Variants in THEMIS observed in about 807,000 individuals in gnomAD.
THEMIS encodes thymocyte selection associated.
In THEMIS, 37 loss-of-function variants were observed where a neutral mutation model predicts 52.6. The observed-to-expected ratio is 0.70, with a 90% CI of 0.54 to 0.93. The LOEUF (loss-of-function observed/expected upper bound fraction) is 0.93. THEMIS is among the 40% of genes least tolerant of loss of function. THEMIS has a pLI of 0.00. For missense variants in THEMIS, 808 were observed against 763.1 expected (o/e 1.06, Z -0.69); for synonymous variants, 292 against 272.7 (o/e 1.07, Z -0.70).
At chr6:127,862,218 T>C (rs1779826213) in intron 1 of THEMIS, among the ~76,000 whole-genome samples, 1 of 152,076 alleles carries the variant, frequency 6.6e-6, no homozygotes, top group South Asian at 2.1e-4. Context: ...GCAGCCTGAG[T>C]GCCCTAGCTA....
At chr6:127,908,377 T>A (rs1406476185) in intron 1 of THEMIS, among the ~76,000 whole-genome samples, 1 of 152,088 alleles carries the variant, frequency 6.6e-6, no homozygotes, top group Non-Finnish European at 1.5e-5. Flanking sequence ...AGGAAGAGTG[T>A]TCCTCAGATT....
At chr6:127,754,028 C>A (rs1056271435) in intron 4 of THEMIS, among the ~76,000 whole-genome samples, 6 of 152,016 alleles carry the variant, frequency 3.9e-5, no homozygotes, top group Non-Finnish European at 8.8e-5. Flanking sequence ...TTATACTTAT[C>A]CTCAACTCAT....
intron 4 of THEMIS, among the ~76,000 whole-genome samples, chr6:127,732,893 A>T (rs1463154767): frequency 5.3e-5 from 8 of 152,228 alleles, no homozygotes; most frequent in Non-Finnish European, 7.3e-5. Flanking sequence ...GTGCTGGGTC[A>T]CATGACAGCT....
chr6:127,849,659 A>C (rs1033587220), intron 2 of THEMIS, among the ~76,000 whole-genome samples: 4 of 152,006 alleles, frequency 2.6e-5, no homozygotes, highest in Admixed American at 6.6e-5. Context: ...TATAATATTC[A>C]ATAAATGGTG....
intron 4 of THEMIS, among the ~76,000 whole-genome samples, chr6:127,787,923 A>C (rs1377661288): frequency 6.6e-6 from 1 of 152,122 alleles, no homozygotes; most frequent in Admixed American, 6.6e-5. Flanking sequence ...ATAGATAAAT[A>C]GATGCTCTTC....
At chr6:127,890,696 A>G (rs1196551748) in intron 1 of THEMIS, among the ~76,000 whole-genome samples, 4 of 152,150 alleles carry the variant, frequency 2.6e-5, no homozygotes, top group East Asian at 1.9e-4. Flanking sequence ...CATGTACCCC[A>G]TAAATATGTA....
chr6:127,703,700 T>C (rs1773760938), downstream of THEMIS, among the ~76,000 whole-genome samples: 3 of 152,088 alleles, frequency 2.0e-5, no homozygotes, highest in South Asian at 6.2e-4. Flanking sequence ...AATAATAAAC[T>C]AAACCTTGCA....
intron 4 of THEMIS, among the ~76,000 whole-genome samples, chr6:127,796,146 G>T (rs560580299): frequency 2.0e-5 from 3 of 152,130 alleles, no homozygotes; most frequent in East Asian, 3.9e-4. Context: ...CTAAATATGA[G>T]AATGAGCATT....
At position 127,829,934 on chromosome 6, in the gene THEMIS, C is replaced by A; in HGVS notation, c.251G>T (p.Gly84Val). The change falls in exon 3 of 6, where the codon GGT (glycine) becomes GTT (valine). Residue 84 changes from glycine (G) to valine (V), a missense_variant and splice_region_variant. Physicochemically the swap from Gly to Val is moderately radical, Grantham distance 109 (BLOSUM62 -3). Transcript: ENST00000368248. ...QPFELPMNFPGLFKIVADKTP... is the reference protein window; with the variant it reads ...QPFELPMNFPVLFKIVADKTP... ...TTTATCAGCCACAATCTTAAAAAGACCTAAGAACAGAATTACGTGAATTAA... is the reference window on the plus strand; with the variant it reads ...TTTATCAGCCACAATCTTAAAAAGAACTAAGAACAGAATTACGTGAATTAA... 1 of 1,598,092 alleles carries A rather than the reference C, an allele frequency of 6.3e-7. No homozygotes were observed. Among genetic ancestry groups the A allele is most frequent in the Non-Finnish European group, 8.5e-7 (1 of 1,172,110 alleles).
chr6:127,721,035 A>G (rs1583197638), intron 4 of THEMIS, among the ~76,000 whole-genome samples: 1 of 152,092 alleles, frequency 6.6e-6, no homozygotes, highest in East Asian at 1.9e-4. Flanking sequence ...ATATTGACAC[A>G]GAGGCTTGAA....
chr6:127,828,453 G>T (rs966179998), intron 3 of THEMIS, among the ~76,000 whole-genome samples: 3 of 151,992 alleles, frequency 2.0e-5, no homozygotes, highest in Non-Finnish European at 4.4e-5. Context: ...CATAAACAGG[G>T]AGTTTAAATG....
intron 1 of THEMIS, among the ~76,000 whole-genome samples, chr6:127,863,228 C>T (rs145575344): frequency 5.3e-5 from 8 of 152,228 alleles, no homozygotes; most frequent in South Asian, 2.1e-4. Context: ...GCAACTTTGA[C>T]GATCTCTCGA....
intron 5 of THEMIS, among the ~76,000 whole-genome samples, chr6:127,717,277 T>C (rs979965201): frequency 1.1e-4 from 16 of 151,826 alleles, no homozygotes; most frequent in African/African-American, 2.9e-4. Context: ...AAATAACTAA[T>C]TGCTCATGGT....
chr6:127,725,511 A>G (rs1774512725), intron 4 of THEMIS, among the ~76,000 whole-genome samples: 2 of 151,980 alleles, frequency 1.3e-5, no homozygotes, highest in South Asian at 4.1e-4. Flanking sequence ...ATCACCATAA[A>G]TAATTTAGAA....
chr6:127,734,218 A>T (rs763160288), intron 4 of THEMIS, among the ~76,000 whole-genome samples: 3 of 152,236 alleles, frequency 2.0e-5, no homozygotes, highest in Admixed American at 6.5e-5. Flanking sequence ...CATTTATGAG[A>T]CAACCATACA....
intron 4 of THEMIS, among the ~76,000 whole-genome samples, chr6:127,754,355 G>C (rs1775749009): frequency 6.6e-6 from 1 of 152,064 alleles, no homozygotes; most frequent in South Asian, 2.1e-4. Flanking sequence ...TAATTCTTAT[G>C]GTCAAATTGT....
intron 4 of THEMIS, among the ~76,000 whole-genome samples, chr6:127,774,777 T>C (rs1776503516): frequency 1.3e-5 from 2 of 152,172 alleles, no homozygotes; most frequent in African/African-American, 4.8e-5. Flanking sequence ...GTATTATACT[T>C]TAAGTTCAGA....
At chr6:127,716,309 A>C (rs1774157621) in intron 5 of THEMIS, among the ~76,000 whole-genome samples, 1 of 151,920 alleles carries the variant, frequency 6.6e-6, no homozygotes, top group Non-Finnish European at 1.5e-5. Context: ...GATAACCGGA[A>C]GCAATGGCAG....
chr6:127,734,301 T>C (rs894704011), intron 4 of THEMIS, among the ~76,000 whole-genome samples: 1 of 152,056 alleles, frequency 6.6e-6, no homozygotes, highest in African/African-American at 2.4e-5. Flanking sequence ...CATTTTAGAG[T>C]AGGGATTTGC....
Sources: allele counts gnomAD v4.1 joint callset (sites outside exome capture counted in the v4.1 genomes callset), GRCh38; gene constraint gnomAD v4.1.1; transcripts MANE v1.5; gene names NCBI Gene and HGNC (gene_info 2026-07-23, HGNC 2026-07-21).